Variants in ZNF160 observed in about 807,000 individuals in gnomAD.
ZNF160 encodes the protein zinc finger protein 160, also known as KRAB zinc finger protein KR18.
Under a neutral mutation model 13.1 loss-of-function variants are expected in ZNF160, and 9 were observed. The observed-to-expected ratio is 0.69, with a 90% confidence interval of 0.41 to 1.20. The LOEUF is 1.20. Among genes scored for constraint, ZNF160 ranks in the 50% most tolerant of loss-of-function variants. The pLI is 0.01. For missense variants in ZNF160, 838 were observed against 988.0 expected (o/e 0.85, Z 2.04); for synonymous variants, 293 against 333.2 (o/e 0.88, Z 1.31).
rs754888652 is a variant in ZNF160 at position 53,070,277 on chromosome 19, G to T, written c.272-15C>A. The T allele has an allele frequency of 2.0e-6, 3 of 1,533,930 alleles. No individual in the cohort carries two copies. Among genetic ancestry groups the T allele is most frequent in the East Asian group, 2.3e-5 (1 of 43,856 alleles). ...AGGAGGGATATCTACAAGATATAAA[G>T]AACCACATAATTTCCAATTAATTAC... On this transcript the variant is annotated splice_polypyrimidine_tract_variant and intron_variant, in intron 5 of 5. Coordinates refer to ENST00000683776, the MANE Select transcript of ZNF160 (RefSeq NM_001322131.2).
At chr19:53,084,175 C>A (rs1200444643) in intron 3 of ZNF160, among the ~76,000 whole-genome samples, 1 of 152,190 alleles carries the variant, frequency 6.6e-6, no homozygotes, top group Non-Finnish European at 1.5e-5. Flanking sequence ...ACTTTTACAA[C>A]CCAGTTCTGC....
At chr19:53,070,832 A>G (rs574420821) in intron 5 of ZNF160, among the ~76,000 whole-genome samples, 35 of 152,260 alleles carry the variant, frequency 2.3e-4, no homozygotes, top group Admixed American at 2.0e-3. Flanking sequence ...AGGTGGGAGG[A>G]TCACAGGAGG....
intron 3 of ZNF160, among the ~76,000 whole-genome samples, chr19:53,079,660 C>CAAAA (rs33935376): frequency 1.2e-3 from 146 of 124,520 alleles, no homozygotes; most frequent in African/African-American, 3.6e-3. Context: ...ACAATAGCAG[C>CAAAA]AAAAAAAAAA....
chr19:53,079,370 G>C (rs1401526294), intron 3 of ZNF160, among the ~76,000 whole-genome samples: 2 of 151,894 alleles, frequency 1.3e-5, no homozygotes, highest in Non-Finnish European at 2.9e-5. Context: ...GACCAACATG[G>C]AGAAACCCCG....
intron 1 of ZNF160, among the ~76,000 whole-genome samples, chr19:53,094,437 G>A (rs1005784472): frequency 6.6e-6 from 1 of 152,078 alleles, no homozygotes; most frequent in African/African-American, 2.4e-5. Context: ...TAATTAAACG[G>A]TTCTAATTGC....
chr19:53,073,289 G>T, intron 5 of ZNF160: 2 of 1,563,254 alleles, frequency 1.3e-6, no homozygotes, highest in South Asian at 2.3e-5. Context: ...GAGGATCAAT[G>T]ACAGAAGGAT....
chr19:53,076,739 G>A (rs2084406835), intron 3 of ZNF160, among the ~76,000 whole-genome samples: 1 of 152,126 alleles, frequency 6.6e-6, no homozygotes, highest in Non-Finnish European at 1.5e-5. Context: ...ACACTACATG[G>A]ACCAAATTGT....
At chr19:53,083,387 A>G (rs763983526) in intron 3 of ZNF160, among the ~76,000 whole-genome samples, 2 of 152,176 alleles carry the variant, frequency 1.3e-5, no homozygotes, top group African/African-American at 2.4e-5. Context: ...AGGAAACTCT[A>G]TAGATTTTAG....
chr19:53,097,770 C>T (rs2085290875), intron 1 of ZNF160, among the ~76,000 whole-genome samples: 1 of 152,220 alleles, frequency 6.6e-6, no homozygotes, highest in African/African-American at 2.4e-5. Context: ...AAAGGCAACC[C>T]AGAAAATAAT....
At chr19:53,096,532 A>T (rs569847303) in intron 1 of ZNF160, among the ~76,000 whole-genome samples, 1 of 148,168 alleles carries the variant, frequency 6.7e-6, no homozygotes. Flanking sequence ...CAAAAAGAAG[A>T]GTTTGTCTCT....
chr19:53,069,176 T>A lies in ZNF160; in HGVS notation c.1358A>T (p.Tyr453Phe), dbSNP rs1267509634. The A allele has an allele frequency of 6.2e-7, 1 of 1,614,026 alleles. No individual in the cohort carries two copies. The highest frequency in any genetic ancestry group is 2.2e-5 in the East Asian group (1 of 44,894). Residue 453 changes from tyrosine to phenylalanine, a missense_variant, in exon 6 of 6, where the codon TAC becomes TTC. Physicochemically the swap from Tyr to Phe is conservative, Grantham distance 22. Around this residue, in one of 3 missense-constraint regions of ZNF160, gnomAD observed 400 missense variants for 538.9 expected, o/e 0.74. Transcript: ENST00000683776. The surrounding 1 kb of genome is among the most constrained non-coding windows in gnomAD (Gnocchi z 4.4). ...GGCTTTGCCACATTCATTACACTTGTAAGGTTTCTCACCAGTATGAACTCT... is the reference window on the plus strand; with the variant it reads ...GGCTTTGCCACATTCATTACACTTGAAAGGTTTCTCACCAGTATGAACTCT... ...HRRVHTGEKP[Y>F]KCNECGKAFS... is the part of the protein sequence containing the mutation.
intron 4 of ZNF160, 73 bp downstream of exon 4, chr19:53,074,983 TC>T: frequency 6.2e-7 from 1 of 1,604,456 alleles, no homozygotes; most frequent in South Asian, 1.1e-5. Context: ...GCAGGGGCTC[TC>T]CAGGGACTCG....
intron 1 of ZNF160, among the ~76,000 whole-genome samples, chr19:53,093,124 T>C (rs1181486522): frequency 6.6e-6 from 1 of 152,190 alleles, no homozygotes; most frequent in Non-Finnish European, 1.5e-5. Context: ...AATCAACATA[T>C]TCACAAGAGA....
intron 5 of ZNF160, among the ~76,000 whole-genome samples, chr19:53,072,027 A>G (rs545784641): frequency 6.6e-5 from 10 of 152,324 alleles, no homozygotes; most frequent in African/African-American, 2.4e-4. Flanking sequence ...TACTTGTTAT[A>G]TAACTATCTA....
chr19:53,083,955 C>T (rs969034937), intron 3 of ZNF160, among the ~76,000 whole-genome samples: 3 of 152,130 alleles, frequency 2.0e-5, no homozygotes, highest in African/African-American at 7.2e-5. Context: ...TTCCCCTGTT[C>T]CCTACTTCCT....
intron 3 of ZNF160, among the ~76,000 whole-genome samples, chr19:53,082,910 G>A (rs1301410605): frequency 1.3e-5 from 2 of 151,966 alleles, no homozygotes; most frequent in African/African-American, 4.8e-5. Context: ...TATTAATCAG[G>A]GTTCCTGTAA....
intron 1 of ZNF160, among the ~76,000 whole-genome samples, chr19:53,094,991 C>T (rs1035498055): frequency 5.9e-5 from 9 of 151,334 alleles, no homozygotes; most frequent in African/African-American, 2.2e-4. Flanking sequence ...CCTCTTCCAG[C>T]CCTTTCCCGT....
chr19:53,091,220 G>A (rs1013669645), intron 2 of ZNF160, 193 bp downstream of exon 2: 2 of 152,222 alleles, frequency 1.3e-5, no homozygotes, highest in African/African-American at 4.8e-5. Flanking sequence ...TAAACGTGGT[G>A]GTGGTACACA....
chr19:53,089,464 C>T (rs1420276848), intron 2 of ZNF160, among the ~76,000 whole-genome samples: 1 of 152,118 alleles, frequency 6.6e-6, no homozygotes, highest in African/African-American at 2.4e-5. Context: ...CTCATGTTCT[C>T]GCCCCTACCC....
Sources: allele counts gnomAD v4.1 joint callset (sites outside exome capture counted in the v4.1 genomes callset), GRCh38; gene constraint gnomAD v4.1.1; regional missense constraint gnomAD v4.1.1; non-coding constraint Gnocchi (gnomAD v3.1); transcripts MANE v1.5; gene names NCBI Gene and HGNC (gene_info 2026-07-23, HGNC 2026-07-21).